TCOF1: variants seen among roughly 807,000 people sequenced by gnomAD.
TCOF1 encodes the protein treacle protein.
TCOF1 carries 33 observed loss-of-function variants against 149.0 expected under a neutral mutation model. That is an observed-to-expected ratio of 0.22 (90% CI 0.17 to 0.30). TCOF1 has a LOEUF of 0.30. Ranked by LOEUF, TCOF1 falls within the 10% of genes least tolerant of loss-of-function variation. The pLI is 1.00. For synonymous variants in TCOF1, 789 were observed against 738.8 expected (o/e 1.07, Z -1.10); for missense variants, 1,728 against 1,840.7 (o/e 0.94, Z 1.12).
intron 21 of TCOF1, chr5:150,392,393 G>A (rs1234419467): frequency 2.7e-5 from 17 of 621,702 alleles, no homozygotes; most frequent in Admixed American, 5.9e-5. Flanking sequence ...TCAGCTTTTT[G>A]GTATCAGACT....
intron 17 of TCOF1, chr5:150,383,057 C>T (rs1211352824): frequency 1.3e-6 from 2 of 1,534,612 alleles, no homozygotes; most frequent in Admixed American, 3.9e-5. Flanking sequence ...GTCTTGTCCC[C>T]TCAGAAGGAC....
At chr5:150,374,111 C>G in intron 7 of TCOF1, 63 bp from the exon 8 acceptor site, 1 of 1,542,740 alleles carries the variant, frequency 6.5e-7, no homozygotes. Flanking sequence ...GGACTTTATC[C>G]TAAAGGCATC....
At chr5:150,395,169 G>A (rs1581218542) in intron 23 of TCOF1, among the ~76,000 whole-genome samples, 1 of 152,358 alleles carries the variant, frequency 6.6e-6, no homozygotes, top group Admixed American at 6.5e-5. Flanking sequence ...CCTGGTTGGG[G>A]CTGAGGGGCC....
intron 17 of TCOF1, chr5:150,384,677 C>CT (rs376312126): frequency 2.0e-6 from 2 of 985,096 alleles, no homozygotes; most frequent in Non-Finnish European, 2.4e-6. Context: ...ATTCTGGAGT[C>CT]TATTTAAAAA....
rs749261238 is a variant in TCOF1 at position 150,379,701 on chromosome 5, G to A, written c.2828G>A (p.Gly943Glu). 4 of 1,614,212 alleles carry A rather than the reference G, an allele frequency of 2.5e-6. No homozygotes were observed. In the Admixed American group the frequency reaches 6.7e-5, roughly 27 times the overall value. The change falls in exon 17 of 27, where the codon GGG becomes GAG. Residue 943 changes from glycine (G) to glutamate (E), a missense_variant. Coordinates refer to ENST00000643257, the MANE Select transcript of TCOF1 (RefSeq NM_001371623.1). Reference protein sequence around the residue: ...GSSSEESDSDGEAPAAVTSAQ... With the variant: ...GSSSEESDSDEEAPAAVTSAQ... ...AGCAGCGAGGAATCAGACAGTGATG[G>A]GGAGGCACCGGCAGCTGTGACCTCT...
Position 150,400,095 on chromosome 5 carries a change from C to G in TCOF1, c.*308C>G, listed in dbSNP as rs529677201. On this transcript the variant is annotated 3_prime_UTR_variant, in exon 27 of 27. Coordinates refer to ENST00000643257, the MANE Select transcript of TCOF1 (RefSeq NM_001371623.1). Reference sequence around the variant, plus strand: ...AGTGACCTCCTCTCCTTCCACAGACCCCACATGCCCAAAGGCCTCGGGACT... The same window carrying G: ...AGTGACCTCCTCTCCTTCCACAGACGCCACATGCCCAAAGGCCTCGGGACT... 26 of 152,544 alleles carry G rather than the reference C, an allele frequency of 1.7e-4. No homozygotes were observed. The highest frequency in any genetic ancestry group is 1.5e-3 in the Admixed American group (23 of 15,308). 9.4% of individuals were successfully genotyped at this position (152,544 alleles called of 1,614,324 possible). A position where few individuals can be genotyped will look rare whatever the true frequency, so the allele number is the denominator to read the frequency against.
chr5:150,359,446 G>C (rs1454606438), intron 1 of TCOF1, among the ~76,000 whole-genome samples: 1 of 152,188 alleles, frequency 6.6e-6, no homozygotes. Flanking sequence ...GGTCTGGTGG[G>C]CAGTTTGATC....
chr5:150,399,424 G>A (rs897447511), intron 26 of TCOF1, among the ~76,000 whole-genome samples: 3 of 152,228 alleles, frequency 2.0e-5, no homozygotes, highest in Admixed American at 1.3e-4. Flanking sequence ...TCATGATCCT[G>A]TAACTTGGGG....
In TCOF1 at chr5:150,376,293, A is replaced by G; in HGVS notation, c.2105A>G (p.Glu702Gly). The change falls in exon 13 of 27, where the codon GAG (glutamate) becomes GGG (glycine). Residue 702 changes from glutamate (E) to glycine (G), a missense_variant. Physicochemically the swap from Glu to Gly is moderately conservative, Grantham distance 98 (BLOSUM62 -2). Coordinates refer to ENST00000643257, the MANE Select transcript of TCOF1 (RefSeq NM_001371623.1). ...DSSSSEESDSEEEKTGLAVTV... is the reference protein window; with the variant it reads ...DSSSSEESDSGEEKTGLAVTV... ...TCAAGCAGTGAGGAATCAGATAGTGAGGAAGAGAAGACAGGTCTTGCAGTA... is the reference window on the plus strand; with the variant it reads ...TCAAGCAGTGAGGAATCAGATAGTGGGGAAGAGAAGACAGGTCTTGCAGTA... 1.2e-6 allele frequency: 2 copies of G among 1,614,194 alleles called. No homozygotes were observed. Among genetic ancestry groups the G allele is most frequent in the Non-Finnish European group, 1.7e-6 (2 of 1,180,032 alleles).
chr5:150,375,796 C>G lies in TCOF1; in HGVS notation c.1780C>G (p.Pro594Ala). 6.2e-7 allele frequency: 1 copy of G among 1,614,254 alleles called. No homozygotes were observed. Among genetic ancestry groups the G allele is most frequent in the Non-Finnish European group, 8.5e-7 (1 of 1,180,042 alleles). Residue 594 changes from proline to alanine, a missense_variant, in exon 12 of 27, where the codon CCT becomes GCT. Coordinates refer to ENST00000643257, the MANE Select transcript of TCOF1 (RefSeq NM_001371623.1). ...CAAGGGGCCCCCTCAGAAGGCAGGG[C>G]CTGTAGCCGTCCAGGTCAAGGCTGA... ...PAKGPPQKAG[P>A]VAVQVKAEKP...
rs142439509 is a variant in TCOF1 at position 150,379,631 on chromosome 5, G to A, written c.2758G>A (p.Gly920Arg). The change falls in exon 17 of 27, where the codon GGG becomes AGG. Residue 920 changes from glycine to arginine, a missense_variant. Transcript: ENST00000643257. ...TGCCCCAACACCTCCTGGGAAGACA[G>A]GGCCTTCGGCTGCCCAGGCAGGGAA... ...GAAPTPPGKT[G>R]PSAAQAGKQD... is the part of the protein sequence containing the mutation. 4.3e-6 allele frequency: 7 copies of A among 1,613,862 alleles called. No individual in the cohort carries two copies. The African/African-American group carries it at 9.3e-5, about 22-fold the overall frequency.
In TCOF1 at chr5:150,375,395, G is replaced by A; in HGVS notation, c.1545G>A (p.Gly515=). Residue 515 remains glycine, a synonymous_variant, in exon 11 of 27, where the codon GGG becomes GGA. Transcript: ENST00000643257. The stretch of plus-strand genomic sequence containing the variant: ...AACCTGCCTCTACCATGGGCATGGG[G>A]CCCTTGGGGAAAGGCGCCGGCCCAG... ...QVKPASTMGM[G]PLGKGAGPVP... 1.2e-5 allele frequency: 19 copies of A among 1,612,848 alleles called. No individual in the cohort carries two copies. Among genetic ancestry groups the A allele is most frequent in the Non-Finnish European group, 1.6e-5 (19 of 1,179,822 alleles).
intron 3 of TCOF1, 68 bp from the exon 4 acceptor site, chr5:150,367,776 A>G (rs1554132943): frequency 6.3e-7 from 1 of 1,575,924 alleles, no homozygotes; most frequent in South Asian, 1.1e-5. Flanking sequence ...GGTGAGATGA[A>G]ACCTGTTTGC....
intron 17 of TCOF1, among the ~76,000 whole-genome samples, chr5:150,382,162 C>T (rs992413922): frequency 6.7e-6 from 1 of 149,302 alleles, no homozygotes; most frequent in African/African-American, 2.5e-5. Flanking sequence ...AAGACTCCAT[C>T]TCAAAAAAAA....
At chr5:150,369,854 C>T (rs898745741) in intron 6 of TCOF1, among the ~76,000 whole-genome samples, 18 of 152,144 alleles carry the variant, frequency 1.2e-4, no homozygotes, top group Admixed American at 1.1e-3. Flanking sequence ...GACAAGCCTT[C>T]CTGGGAGAGG....
At chr5:150,366,345 T>C (rs578018658) in intron 3 of TCOF1, among the ~76,000 whole-genome samples, 1 of 152,100 alleles carries the variant, frequency 6.6e-6, no homozygotes, top group Non-Finnish European at 1.5e-5. Context: ...AGCAAGACCC[T>C]GTCTCAAAAA....
intron 17 of TCOF1, chr5:150,383,144 G>C (rs1013583274): frequency 1.3e-6 from 2 of 1,535,958 alleles, no homozygotes; most frequent in South Asian, 2.4e-5. Context: ...TCCTCGGAGA[G>C]CAGTGAGGAA....
At position 150,396,566 on chromosome 5, in the gene TCOF1, G is replaced by T; in HGVS notation, c.4069G>T (p.Ala1357Ser). Residue 1357 changes from alanine (A) to serine (S), a missense_variant, in exon 24 of 27, where the codon GCC becomes TCC. This residue lies in a region of TCOF1 where 1,696 missense variants were observed against 1,765.4 expected (regional missense o/e 0.96). Coordinates refer to ENST00000643257, the MANE Select transcript of TCOF1 (RefSeq NM_001371623.1). ...GAAGCTATCGGGAGACCAGCCAGCTGCCAGGACCCCCAGGAGCAAGAAGAA... is the reference window on the plus strand; with the variant it reads ...GAAGCTATCGGGAGACCAGCCAGCTTCCAGGACCCCCAGGAGCAAGAAGAA... ...KRKLSGDQPA[A>S]RTPRSKKKKK... The T allele has an allele frequency of 2.5e-6, 4 of 1,584,646 alleles. No homozygotes were observed. Among genetic ancestry groups the T allele is most frequent in the Non-Finnish European group, 3.4e-6 (4 of 1,165,286 alleles).
At chr5:150,364,983 T>A (rs1165815208) in intron 3 of TCOF1, 1 of 152,314 alleles carries the variant, frequency 6.6e-6, no homozygotes, top group Non-Finnish European at 1.5e-5. Flanking sequence ...GCCTCTTGAG[T>A]AGGTGGAATT....
Sources: gnomAD v4.1 joint callset for allele counts (sites outside exome capture counted in the v4.1 genomes callset) on GRCh38, gnomAD v4.1.1 for gene constraint, gnomAD v4.1.1 regional missense constraint, MANE v1.5 for transcripts, NCBI Gene and HGNC (gene_info 2026-07-23, HGNC 2026-07-21) for gene names.